Variants in TPRG1 observed in about 807,000 individuals in gnomAD.
TPRG1 encodes the protein tumor protein p63 regulated 1.
In TPRG1, 29 loss-of-function variants were observed where a neutral mutation model predicts 29.3. The ratio of observed to expected loss-of-function variants is 0.99; its 90% CI spans 0.74 to 1.35. The LOEUF (loss-of-function observed/expected upper bound fraction) is 1.35, where lower values mean the gene tolerates loss of function less well. Among genes scored for constraint, TPRG1 ranks in the 40% most tolerant of loss-of-function variants. TPRG1 has a pLI of 0.00. For missense variants in TPRG1, 327 were observed against 335.0 expected (o/e 0.98, Z 0.19); for synonymous variants, 130 against 116.8 (o/e 1.11, Z -0.73).
chr3:189,253,204 C>T (rs1253818198), intron 4 of TPRG1, among the ~76,000 whole-genome samples: 3 of 152,116 alleles, frequency 2.0e-5, no homozygotes, highest in Non-Finnish European at 2.9e-5. Context: ...AGGCCCCTCA[C>T]CCCCCAACTG....
chr3:189,143,453 G>A (rs911048999), intron 3 of TPRG1, among the ~76,000 whole-genome samples: 1 of 152,196 alleles, frequency 6.6e-6, no homozygotes, highest in Admixed American at 6.5e-5. Context: ...CTCAGAGTAG[G>A]ATGTTCTAAA....
intron 4 of TPRG1, among the ~76,000 whole-genome samples, chr3:189,088,442 T>G (rs1380765005): frequency 6.6e-6 from 1 of 152,214 alleles, no homozygotes; most frequent in Non-Finnish European, 1.5e-5. Context: ...TCATGTCATC[T>G]GCAAACAGGG....
chr3:189,141,724 C>G (rs182716111), intron 3 of TPRG1, among the ~76,000 whole-genome samples: 133 of 152,198 alleles, frequency 8.7e-4, no homozygotes, highest in Non-Finnish European at 9.4e-4. Flanking sequence ...AAAACATAGT[C>G]CTTGAAATTT....
At chr3:189,199,214 C>A (rs1733051839) in intron 1 of TPRG1, among the ~76,000 whole-genome samples, 1 of 152,198 alleles carries the variant, frequency 6.6e-6, no homozygotes, top group Non-Finnish European at 1.5e-5. Flanking sequence ...TTATCACAAT[C>A]TTATTCCTGT....
chr3:189,080,485 C>T (rs1438135617), intron 4 of TPRG1, among the ~76,000 whole-genome samples: 1 of 152,026 alleles, frequency 6.6e-6, no homozygotes, highest in Non-Finnish European at 1.5e-5. Context: ...TTCCTGCTTT[C>T]CTGGAGCCAA....
In TPRG1 at chr3:189,244,151, C is replaced by T. The variant is rs111632685; in HGVS notation, c.479+5242C>T. Among the ~76,000 whole-genome samples, 850 of 152,154 alleles carry T rather than the reference C, an allele frequency of 5.6e-3. 12 individuals are homozygous for T. Among genetic ancestry groups the T allele is most frequent in the African/African-American group, 0.02 (821 of 41,494 alleles). ...TAATTTATTAAAAAAAGAGGTTTGC[C>T]GTGTGCAATGGCTCACACCTGTAAT... On this transcript the variant is annotated intron_variant, in intron 4 of 5. Coordinates refer to ENST00000345063, the MANE Select transcript of TPRG1 (RefSeq NM_198485.4).
intron 2 of TPRG1, chr3:189,127,248 G>A (rs1722592295): frequency 6.6e-6 from 1 of 152,156 alleles, no homozygotes; most frequent in Admixed American, 6.5e-5. Context: ...AACCAAAAAG[G>A]AAAATTATGA....
intron 1 of TPRG1, among the ~76,000 whole-genome samples, chr3:189,197,605 G>C (rs571133351): frequency 6.6e-6 from 1 of 152,232 alleles, no homozygotes; most frequent in African/African-American, 2.4e-5. Flanking sequence ...TACTTTTTCA[G>C]ATGCTTCTCC....
chr3:189,074,937 G>A (rs1172722514), intron 4 of TPRG1, among the ~76,000 whole-genome samples: 4 of 147,540 alleles, frequency 2.7e-5, no homozygotes, highest in Admixed American at 1.3e-4. Flanking sequence ...TCAGCCTCCC[G>A]AGTAGCTGGG....
intron 3 of TPRG1, among the ~76,000 whole-genome samples, chr3:189,017,983 A>T (rs1280519790): frequency 2.0e-5 from 3 of 151,128 alleles, no homozygotes; most frequent in African/African-American, 7.3e-5. Context: ...ATGGCCAGTG[A>T]TGGTGAGCAT....
At chr3:189,046,072 G>A (rs1161500789) in intron 4 of TPRG1, among the ~76,000 whole-genome samples, 1 of 152,222 alleles carries the variant, frequency 6.6e-6, no homozygotes, top group Non-Finnish European at 1.5e-5. Context: ...AAATGAGTCT[G>A]CAAAAGCTCA....
At chr3:189,010,444 C>A (rs768361468) in intron 3 of TPRG1, among the ~76,000 whole-genome samples, 9 of 152,162 alleles carry the variant, frequency 5.9e-5, no homozygotes, top group Admixed American at 1.3e-4. Context: ...TCACCAGTAC[C>A]TGCTATTTTT....
chr3:189,281,662 T>G (rs1049185998), intron 4 of TPRG1, among the ~76,000 whole-genome samples: 5 of 152,182 alleles, frequency 3.3e-5, no homozygotes, highest in Middle Eastern at 6.3e-3. Context: ...TTCATCTTTC[T>G]TAATGTATAA....
intron 3 of TPRG1, among the ~76,000 whole-genome samples, chr3:189,236,178 G>A (rs980244204): frequency 1.3e-5 from 2 of 152,146 alleles, no homozygotes; most frequent in Admixed American, 1.3e-4. Context: ...TTCCTGACAT[G>A]TAAATTATGC....
At chr3:189,135,342 C>G (rs1006583870) in intron 3 of TPRG1, among the ~76,000 whole-genome samples, 1 of 152,216 alleles carries the variant, frequency 6.6e-6, no homozygotes, top group Non-Finnish European at 1.5e-5. Flanking sequence ...TCAATTGTCT[C>G]AACATCTTCA....
intron 4 of TPRG1, among the ~76,000 whole-genome samples, chr3:189,035,728 T>G (rs904210253): frequency 6.6e-6 from 1 of 151,678 alleles, no homozygotes; most frequent in Non-Finnish European, 1.5e-5. Context: ...AGATACCAAC[T>G]CATACTAGTC....
intron 3 of TPRG1, among the ~76,000 whole-genome samples, chr3:189,022,060 C>T (rs888792597): frequency 2.6e-5 from 4 of 151,864 alleles, no homozygotes; most frequent in South Asian, 4.1e-4. Context: ...ACGTAGTTCT[C>T]GAGCCTTGGT....
intron 5 of TPRG1, among the ~76,000 whole-genome samples, 168 bp downstream of exon 5, chr3:189,310,707 A>C (rs1359724624): frequency 6.6e-6 from 1 of 152,130 alleles, no homozygotes; most frequent in Non-Finnish European, 1.5e-5. Context: ...ATAGGTTTAT[A>C]ATTTATTTTA....
chr3:189,138,199 T>C (rs1724024403), intron 3 of TPRG1, among the ~76,000 whole-genome samples: 1 of 152,094 alleles, frequency 6.6e-6, no homozygotes, highest in Non-Finnish European at 1.5e-5. Context: ...AAAAGTGTAA[T>C]TGGAGTTCAG....
Sources: allele counts gnomAD v4.1 joint callset (sites outside exome capture counted in the v4.1 genomes callset), GRCh38; gene constraint gnomAD v4.1.1; transcripts MANE v1.5; gene names NCBI Gene and HGNC (gene_info 2026-07-23, HGNC 2026-07-21).